Variants in PAXBP1 observed in about 807,000 individuals in gnomAD.
PAXBP1 encodes PAX3- and PAX7-binding protein 1.
PAXBP1 carries 44 observed loss-of-function variants against 119.9 expected under a neutral mutation model. The ratio of observed to expected loss-of-function variants is 0.37; its 90% CI spans 0.29 to 0.47. The LOEUF (loss-of-function observed/expected upper bound fraction) is 0.47, where lower values mean the gene tolerates loss of function less well. PAXBP1 is among the 20% of genes least tolerant of loss of function. The pLI is 0.99. For synonymous variants in PAXBP1, 393 were observed against 406.6 expected (o/e 0.97, Z 0.40); for missense variants, 898 against 1,134.1 (o/e 0.79, Z 2.99).
intron 16 of PAXBP1, among the ~76,000 whole-genome samples, chr21:32,737,830 T>C (rs2043714882): frequency 1.3e-5 from 2 of 152,178 alleles, no homozygotes; most frequent in African/African-American, 2.4e-5. Context: ...CATCCATGCA[T>C]GCTGCTAAGG....
chr21:32,755,100 G>T, intron 8 of PAXBP1, 130 bp downstream of exon 8: 1 of 1,117,720 alleles, frequency 8.9e-7, no homozygotes, highest in Non-Finnish European at 1.2e-6. Context: ...AGATCTACCT[G>T]ACACAACAGC....
chr21:32,763,448 G>A (rs998347321), intron 3 of PAXBP1, among the ~76,000 whole-genome samples: 25 of 152,162 alleles, frequency 1.6e-4, no homozygotes, highest in Non-Finnish European at 2.4e-4. Context: ...TTGCCAAAGA[G>A]CTTCCCATAA....
intron 15 of PAXBP1, among the ~76,000 whole-genome samples, chr21:32,739,938 TAAAAA>T (rs756477858): frequency 1.1e-4 from 5 of 47,006 alleles, no homozygotes; most frequent in African/African-American, 1.8e-4. Flanking sequence ...CTCGTCTCTT[TAAAAA>T]AAAAAAAAAA....
rs946796511 is a variant in PAXBP1, at chr21:32,771,609, C to G, written c.60G>C (p.Glu20Asp). The G allele has an allele frequency of 2.0e-6, 3 of 1,467,528 alleles. No individual in the cohort carries two copies. Among genetic ancestry groups the G allele is most frequent in the Non-Finnish European group, 1.8e-6 (2 of 1,115,072 alleles). 90.9% of individuals were successfully genotyped at this position (1,467,528 alleles called of 1,614,324 possible). A position where few individuals can be genotyped will look rare whatever the true frequency, so the allele number is the denominator to read the frequency against. Residue 20 changes from glutamate (E) to aspartate (D), a missense_variant, in exon 1 of 18, where the codon GAG (glutamate) becomes GAC (aspartate). Coordinates refer to ENST00000331923, the MANE Select transcript of PAXBP1 (RefSeq NM_016631.4). ...VRKRNDSEEE[E>D]RERDEEQEPP... ...GCTCCTGCTCCTCATCGCGTTCCCG[C>G]TCTTCCTCTTCGGAGTCGTTCCGCT...
chr21:32,743,372 T>A (rs893269520), intron 14 of PAXBP1, 58 bp from the exon 15 acceptor site: 2 of 1,176,244 alleles, frequency 1.7e-6, no homozygotes, highest in Non-Finnish European at 2.4e-6. Flanking sequence ...AGGTGCCATA[T>A]GATTCCTGGA....
Position 32,737,285 on chromosome 21 carries a change from C to A in PAXBP1, c.2605G>T (p.Gly869Trp), listed in dbSNP as rs867702535. 1 of 1,571,920 alleles carries A rather than the reference C, an allele frequency of 6.4e-7. No individual in the cohort carries two copies. Among genetic ancestry groups the A allele is most frequent in the African/African-American group, 1.4e-5 (1 of 73,436 alleles). Residue 869 changes from glycine to tryptophan, a missense_variant, in exon 17 of 18, where the codon GGG becomes TGG. Physicochemically the swap from Gly to Trp is radical, Grantham distance 184. Around this residue, in one of 2 missense-constraint regions of PAXBP1, gnomAD observed 599 missense variants for 852.7 expected, o/e 0.70. Transcript: ENST00000331923. The part of the protein sequence containing the change: ...LADTIYRNSI[G>W]CSDVEKRNAR... ...TTTCTTTTTTCCACATCAGAACACC[C>A]GATACTATTTCTATAAATTGTATCC... is the stretch of plus-strand genomic sequence containing the variant.
intron 7 of PAXBP1, among the ~76,000 whole-genome samples, chr21:32,757,891 G>A (rs965411715): frequency 7.2e-5 from 11 of 152,080 alleles, no homozygotes; most frequent in African/African-American, 2.4e-4. Context: ...TCCAGCTCCC[G>A]GCACAGAGGA....
chr21:32,737,217 C>CAACT (rs753868359), intron 17 of PAXBP1, 37 bp downstream of exon 17: 1 of 1,425,644 alleles, frequency 7.0e-7, no homozygotes, highest in Non-Finnish European at 9.3e-7. Flanking sequence ...GGCAACTAAA[C>CAACT]AACTCTAGAT....
intron 2 of PAXBP1, 36 bp downstream of exon 2, chr21:32,769,778 G>A (rs1202852626): frequency 1.3e-6 from 2 of 1,589,538 alleles, no homozygotes; most frequent in East Asian, 2.3e-5. Context: ...CTTTCATTTT[G>A]TCATTTCAAA....
chr21:32,754,978 A>T (rs994966766), intron 8 of PAXBP1, among the ~76,000 whole-genome samples: 1 of 152,212 alleles, frequency 6.6e-6, no homozygotes, highest in African/African-American at 2.4e-5. Context: ...AGGAGAATGA[A>T]AAAATATGCC....
intron 10 of PAXBP1, among the ~76,000 whole-genome samples, 182 bp from the exon 11 acceptor site, chr21:32,748,880 T>C (rs998610663): frequency 2.0e-5 from 3 of 152,236 alleles, no homozygotes; most frequent in South Asian, 2.1e-4. Context: ...TTGTCTATTA[T>C]GTAAACTAAA....
chr21:32,750,144 T>C (rs372821880), intron 10 of PAXBP1, among the ~76,000 whole-genome samples: 8 of 152,328 alleles, frequency 5.3e-5, no homozygotes, highest in African/African-American at 1.9e-4. Flanking sequence ...ACTGTGATTA[T>C]ACAGAAAAAT....
chr21:32,759,763 T>C lies in PAXBP1; in HGVS notation c.1193+14A>G, dbSNP rs781306753. ...AGCTAGCGGACAGGTCTTTAAGAAGTTGATCTGCCCTACCTGTCTTTAAGC... is the reference window on the plus strand; with the variant it reads ...AGCTAGCGGACAGGTCTTTAAGAAGCTGATCTGCCCTACCTGTCTTTAAGC... On this transcript the variant is annotated intron_variant, in intron 6 of 17. Coordinates refer to ENST00000331923, the MANE Select transcript of PAXBP1 (RefSeq NM_016631.4). 1.1e-5 allele frequency: 17 copies of C among 1,601,128 alleles called. No homozygotes were observed. The highest frequency in any genetic ancestry group is 6.7e-5 in the African/African-American group (5 of 74,704).
At chr21:32,744,375 C>G (rs2043840636) in intron 13 of PAXBP1, among the ~76,000 whole-genome samples, 1 of 151,892 alleles carries the variant, frequency 6.6e-6, no homozygotes. Flanking sequence ...CGTCCTGGGC[C>G]ACATGTCCAT....
rs111951332 is a variant in PAXBP1 at position 32,761,054 on chromosome 21, C to T, written c.975+5G>A. On this transcript the variant is annotated splice_donor_5th_base_variant and intron_variant, in intron 5 of 17. Coordinates refer to ENST00000331923, the MANE Select transcript of PAXBP1 (RefSeq NM_016631.4). ...TTAATTTTTAGTTTAATTCTTTTGT[C>T]GTACCTGAGGGATATTAATTCCTTT... 0.018 allele frequency: 29,383 copies of T among 1,595,360 alleles called. 392 individuals carry two copies. The highest frequency in any genetic ancestry group is 0.02 in the Non-Finnish European group (23,186 of 1,172,752).
Position 32,751,021 on chromosome 21 carries a change from C to T in PAXBP1, c.1619G>A (p.Arg540Lys). ...AEREARRTRR[R>K]QAREQTGKMA... is the part of the protein sequence containing the mutation. ...CTTACCGGTTTGTTCTCTGGCTTGTCTACGACGAGTCCTAAATAATAAACA... is the reference window on the plus strand; with the variant it reads ...CTTACCGGTTTGTTCTCTGGCTTGTTTACGACGAGTCCTAAATAATAAACA... Residue 540 changes from arginine to lysine, a missense_variant, in exon 10 of 18, where the codon AGA (arginine) becomes AAA (lysine). Arg to Lys is a conservative substitution (Grantham distance 26). Coordinates refer to ENST00000331923, the MANE Select transcript of PAXBP1 (RefSeq NM_016631.4). 6.2e-7 allele frequency: 1 copy of T among 1,614,032 alleles called. No homozygotes were observed. The highest frequency in any genetic ancestry group is 8.5e-7 in the Non-Finnish European group (1 of 1,179,974).
At chr21:32,744,492 G>T (rs1395768579) in intron 13 of PAXBP1, among the ~76,000 whole-genome samples, 2 of 152,004 alleles carry the variant, frequency 1.3e-5, no homozygotes, top group African/African-American at 2.4e-5. Flanking sequence ...GTTGGATTGG[G>T]ACTGAGGTGT....
At chr21:32,749,649 T>C (rs920237026) in intron 10 of PAXBP1, among the ~76,000 whole-genome samples, 1 of 151,980 alleles carries the variant, frequency 6.6e-6, no homozygotes, top group African/African-American at 2.4e-5. Context: ...TTAAGCAGTA[T>C]GAAACAGCAT....
chr21:32,755,302 G>T lies in PAXBP1; in HGVS notation c.1435C>A (p.Arg479=), dbSNP rs1161481118. Residue 479 remains arginine (R), a synonymous_variant, in exon 8 of 18, where the codon CGA becomes AGA. Coordinates refer to ENST00000331923, the MANE Select transcript of PAXBP1 (RefSeq NM_016631.4). ...ESAIHQLYKQ[R]ASRLVQRRQD... is the part of the protein sequence containing the mutation. ...CGTCTTTGGACAAGGCGGGAAGCTC[G>T]CTGTTTGTACAGCTGATGTATTGCT... 6.2e-7 allele frequency: 1 copy of T among 1,613,282 alleles called. No homozygotes were observed. Among genetic ancestry groups the T allele is most frequent in the Non-Finnish European group, 8.5e-7 (1 of 1,179,598 alleles).
Sources: allele counts gnomAD v4.1 joint callset (sites outside exome capture counted in the v4.1 genomes callset), GRCh38; gene constraint gnomAD v4.1.1; regional missense constraint gnomAD v4.1.1; transcripts MANE v1.5; gene names NCBI Gene and HGNC (gene_info 2026-07-23, HGNC 2026-07-21).